RNF157: variants seen among roughly 807,000 people sequenced by gnomAD.
The protein encoded by RNF157 is ring finger protein 157.
RNF157 carries 55 observed loss-of-function variants against 88.3 expected under a neutral mutation model. The observed-to-expected ratio is 0.62, with a 90% CI of 0.50 to 0.78. The LOEUF (loss-of-function observed/expected upper bound fraction) is 0.78, where lower values mean the gene tolerates loss of function less well. Among genes scored for constraint, RNF157 ranks in the 30% least tolerant of loss-of-function variants. RNF157 has a pLI of 0.00. For missense variants in RNF157, 788 were observed against 860.8 expected, an observed-to-expected ratio of 0.92 and a Z score of 1.06; for synonymous variants, 334 against 341.2, an observed-to-expected ratio of 0.98 and a Z score of 0.23.
Position 76,143,551 on chromosome 17 carries a change from A to G in RNF157, c.*1684T>C, listed in dbSNP as rs1210295825. 1 of 152,230 alleles carries G rather than the reference A, an allele frequency of 6.6e-6. No homozygotes were observed. Among genetic ancestry groups the G allele is most frequent in the East Asian group, 1.9e-4 (1 of 5,196 alleles). The allele number at this position is 152,230 out of a possible 1,614,324, so 9.4% of individuals were successfully genotyped here. A position where few individuals can be genotyped will look rare whatever the true frequency, so the allele number is the denominator to read the frequency against. ...AGAATGTAGGGGGAAGGAAGGAAAG[A>G]ACATTAGGTGGGGCCTGAAATGGTA... On this transcript the variant is annotated 3_prime_UTR_variant, in exon 19 of 19. Coordinates refer to ENST00000269391, the MANE Select transcript of RNF157 (RefSeq NM_052916.3).
intron 2 of RNF157, among the ~76,000 whole-genome samples, chr17:76,180,546 T>TA (rs1428483074): frequency 3.9e-5 from 6 of 152,212 alleles, no homozygotes; most frequent in South Asian, 2.1e-4. Flanking sequence ...GTACTTTAGA[T>TA]AGATTCTTTT....
chr17:76,158,329 C>T, intron 13 of RNF157, 64 bp downstream of exon 13: 1 of 1,041,326 alleles, frequency 9.6e-7, no homozygotes, highest in Non-Finnish European at 1.5e-6. Context: ...CCTGATGAGG[C>T]ATGCAGGTAG....
chr17:76,215,137 C>T (rs1347229725), intron 1 of RNF157, among the ~76,000 whole-genome samples: 1 of 151,986 alleles, frequency 6.6e-6, no homozygotes, highest in Non-Finnish European at 1.5e-5. Context: ...AAATCAGTTG[C>T]AATTTTTGTT....
At chr17:76,179,679 G>A (rs1428224587) in intron 2 of RNF157, among the ~76,000 whole-genome samples, 2 of 152,204 alleles carry the variant, frequency 1.3e-5, no homozygotes, top group East Asian at 1.9e-4. Flanking sequence ...GGCAACAAGC[G>A]AGACTCTGTC....
At chr17:76,219,521 T>C (rs950727810) in intron 1 of RNF157, among the ~76,000 whole-genome samples, 3 of 152,042 alleles carry the variant, frequency 2.0e-5, no homozygotes, top group African/African-American at 7.2e-5. Context: ...TGATTATCTA[T>C]AGGAGGAGGG....
intron 13 of RNF157, 25 bp from the exon 14 acceptor site, chr17:76,156,346 A>G: frequency 6.2e-7 from 1 of 1,613,784 alleles, no homozygotes; most frequent in Non-Finnish European, 8.5e-7. Flanking sequence ...GGGACACAAC[A>G]GGACATGGAG....
At chr17:76,181,500 G>A (rs908031841) in intron 2 of RNF157, among the ~76,000 whole-genome samples, 3 of 152,138 alleles carry the variant, frequency 2.0e-5, no homozygotes, top group Non-Finnish European at 4.4e-5. Context: ...AGAGAACACT[G>A]CCAGCAGCCA....
intron 1 of RNF157, among the ~76,000 whole-genome samples, chr17:76,220,717 T>C (rs567690455): frequency 7.2e-5 from 11 of 152,190 alleles, no homozygotes; most frequent in African/African-American, 2.4e-4. Flanking sequence ...CCCAACACTT[T>C]GGGAGGCCGA....
In RNF157 at chr17:76,154,342, A is replaced by C; in HGVS notation, c.1765-14T>G. 1.2e-6 allele frequency: 2 copies of C among 1,606,258 alleles called. No individual in the cohort carries two copies. The highest frequency in any genetic ancestry group is 1.7e-6 in the Non-Finnish European group (2 of 1,172,870). On this transcript the variant is annotated splice_polypyrimidine_tract_variant and intron_variant, in intron 16 of 18. Transcript: ENST00000269391. Reference sequence around the variant, plus strand: ...AACATCATTTCCCTAGGACAGAAGGAAGGCCCTGTGAGTCTATGAAGCGGC... The same window carrying C: ...AACATCATTTCCCTAGGACAGAAGGCAGGCCCTGTGAGTCTATGAAGCGGC...
At chr17:76,175,216 T>C (rs1304727741) in intron 2 of RNF157, among the ~76,000 whole-genome samples, 1 of 152,228 alleles carries the variant, frequency 6.6e-6, no homozygotes, top group African/African-American at 2.4e-5. Flanking sequence ...TTGCAGATAA[T>C]AGCATACTTT....
In RNF157 at chr17:76,176,777, T is replaced by C. The variant is rs1267531888; in HGVS notation, c.208-2987A>G. ...GCTGGGCCTTGGCCAGTGTCCCGCTTGCTCATGGAGCGCCAGGGCCAGGCC... is the reference window on the plus strand; with the variant it reads ...GCTGGGCCTTGGCCAGTGTCCCGCTCGCTCATGGAGCGCCAGGGCCAGGCC... On this transcript the variant is annotated intron_variant, in intron 2 of 18. Coordinates refer to ENST00000269391, the MANE Select transcript of RNF157 (RefSeq NM_052916.3). The surrounding 1 kb of genome is among the most constrained non-coding windows in gnomAD (Gnocchi z 4.2). Among the ~76,000 whole-genome samples, 1 of 152,028 alleles carries C rather than the reference T, an allele frequency of 6.6e-6. No individual in the cohort carries two copies. Among genetic ancestry groups the C allele is most frequent in the East Asian group, 1.9e-4 (1 of 5,178 alleles).
chr17:76,213,519 A>G (rs2069837509), intron 1 of RNF157, among the ~76,000 whole-genome samples: 1 of 151,328 alleles, frequency 6.6e-6, no homozygotes, highest in South Asian at 2.1e-4. Context: ...GCAGTAAGCC[A>G]AGATCACACC....
chr17:76,178,291 C>T (rs1315648999), intron 2 of RNF157, among the ~76,000 whole-genome samples: 1 of 152,266 alleles, frequency 6.6e-6, no homozygotes, highest in Non-Finnish European at 1.5e-5. Context: ...GGTGCCACCA[C>T]ATTCCCTGGT....
rs1342987443 is a variant in RNF157, at chr17:76,204,515, CT to C, written c.207+7848del. Among the ~76,000 whole-genome samples, 4 of 152,192 alleles carry C rather than the reference CT, an allele frequency of 2.6e-5. 1 individual carries two copies. The highest frequency in any genetic ancestry group is 1.3e-4 in the Admixed American group (2 of 15,280). On this transcript the variant is annotated intron_variant, in intron 2 of 18. Coordinates refer to ENST00000269391, the MANE Select transcript of RNF157 (RefSeq NM_052916.3). ...TCCTAGTTCCCAGCACAGTATGTGA[CT>C]CATAAATACTTGTTGAATGAATGAA...
In RNF157 at chr17:76,161,445, G is replaced by A; in HGVS notation, c.1065+90C>T. 1 of 993,728 alleles carries A rather than the reference G, an allele frequency of 1.0e-6. No homozygotes were observed. The highest frequency in any genetic ancestry group is 1.6e-5 in the African/African-American group (1 of 63,146). The allele number at this position is 993,728 out of a possible 1,614,324, so 61.6% of individuals were successfully genotyped here. A position where few individuals can be genotyped will look rare whatever the true frequency, so the allele number is the denominator to read the frequency against. ...GCAGCATGCCCTGGTCTAATTCCTT[G>A]CTGCAATGCCACGTAGAGAAGCATG... On this transcript the variant is annotated intron_variant, in intron 11 of 18. Coordinates refer to ENST00000269391, the MANE Select transcript of RNF157 (RefSeq NM_052916.3). This position sits in a 1 kb window ranked among gnomAD's most constrained non-coding sequence, Gnocchi z 4.6.
In RNF157 at chr17:76,156,263, T is replaced by C; in HGVS notation, c.1472A>G (p.Asp491Gly). The C allele has an allele frequency of 6.2e-7, 1 of 1,613,972 alleles. No individual in the cohort carries two copies. The highest frequency in any genetic ancestry group is 8.5e-7 in the Non-Finnish European group (1 of 1,179,976). ...AGGCGTCCCTGTGCAAGACGACTGG[T>C]CAATAGCTCCAGATGACGACAAGGT... ...NLTLSSSGAI[D>G]QSSCTGTPLS... The change falls in exon 14 of 19, where the codon GAC becomes GGC. Residue 491 changes from aspartate (D) to glycine (G), a missense_variant. Coordinates refer to ENST00000269391, the MANE Select transcript of RNF157 (RefSeq NM_052916.3).
chr17:76,182,801 TATGA>T (rs1209083830), intron 2 of RNF157, among the ~76,000 whole-genome samples: 1 of 128,710 alleles, frequency 7.8e-6, no homozygotes, highest in Non-Finnish European at 1.5e-5. Flanking sequence ...GAGATATATA[TATGA>T]GAGAGATATA....
In RNF157 at chr17:76,182,573, A is replaced by G. The variant is rs569647151; in HGVS notation, c.208-8783T>C. Among the ~76,000 whole-genome samples the G allele has an allele frequency of 1.7e-4, 26 of 151,676 alleles. No individual in the cohort carries two copies. In the South Asian group the frequency reaches 5.0e-3, roughly 29 times the overall value. On this transcript the variant is annotated intron_variant, in intron 2 of 18. Coordinates refer to ENST00000269391, the MANE Select transcript of RNF157 (RefSeq NM_052916.3). Reference sequence around the variant, plus strand: ...GTTGTACTATTTTTGCTGTAAAAAAATATGGTCACAGTACATGTGAAAGGA... The same window carrying G: ...GTTGTACTATTTTTGCTGTAAAAAAGTATGGTCACAGTACATGTGAAAGGA...
intron 2 of RNF157, among the ~76,000 whole-genome samples, chr17:76,210,951 T>A (rs1034848545): frequency 2.0e-5 from 3 of 152,000 alleles, no homozygotes; most frequent in Non-Finnish European, 4.4e-5. Context: ...ATTATAGGGG[T>A]GTGCCACCAC....
Sources: allele counts gnomAD v4.1 joint callset (sites outside exome capture counted in the v4.1 genomes callset), GRCh38; gene constraint gnomAD v4.1.1; non-coding constraint Gnocchi (gnomAD v3.1); transcripts MANE v1.5; gene names NCBI Gene and HGNC (gene_info 2026-07-23, HGNC 2026-07-21).